Variants in TANGO2 observed in about 807,000 individuals in gnomAD.
TANGO2 encodes the protein transport and golgi organization 2 homolog, also known as transport and Golgi organization protein 2 homolog.
Under a neutral mutation model 39.1 loss-of-function variants are expected in TANGO2, and 26 were observed. The ratio of observed to expected loss-of-function variants is 0.67; its 90% CI spans 0.49 to 0.92. The LOEUF is 0.92. TANGO2 is among the 40% of genes least tolerant of loss of function. The pLI is 0.00. For synonymous variants in TANGO2, 131 were observed against 144.5 expected (o/e 0.91, Z 0.67); for missense variants, 326 against 360.1 (o/e 0.91, Z 0.77).
In TANGO2 at chr22:20,032,681, C is replaced by A. The variant is rs117632235; in HGVS notation, c.-39-4079C>A. 6.9e-3 allele frequency among the ~76,000 whole-genome samples: 1,055 copies of A among 152,324 alleles called. 6 individuals are homozygous for A. Among genetic ancestry groups the A allele is most frequent in the Non-Finnish European group, 0.01 (693 of 68,026 alleles). The stretch of plus-strand genomic sequence containing the variant: ...GGAGCCTCACCTGGAAAGCCAGGCA[C>A]GATTCTCCCTGGGACACCAACCCTC... On this transcript the variant is annotated intron_variant, in intron 1 of 8. Coordinates refer to ENST00000327374, the MANE Select transcript of TANGO2 (RefSeq NM_152906.7).
rs2046773175 is a variant in TANGO2 at position 20,053,448 on chromosome 22, AC to A, written c.280del (p.His94ThrfsTer3). ...TCCCCTGCCTACAGGTGAACTTGTC[AC>A]CCACTTTCTGACCACTGACGTGGAC... The part of the protein sequence containing the change: ...WQARGRGELV[T>X]HFLTTDVDSL... On this transcript the variant is annotated frameshift_variant, in exon 5 of 9. Transcript: ENST00000327374. LOFTEE classifies it high-confidence loss of function. The A allele has an allele frequency of 6.2e-7, 1 of 1,612,326 alleles. No individual in the cohort carries two copies.
rs902827921 is a variant in TANGO2, at chr22:20,053,139, C to T, written c.266-298C>T. 3.9e-5 allele frequency among the ~76,000 whole-genome samples: 6 copies of T among 152,262 alleles called. No individual in the cohort carries two copies. The East Asian group carries it at 5.8e-4, about 15-fold the overall frequency. ...AGAGTAGATGCCTTCCCCGAGACGA[C>T]AGCTCTGTGGACACACATTGTCCCC... is the stretch of plus-strand genomic sequence containing the variant. On this transcript the variant is annotated intron_variant, in intron 4 of 8. Coordinates refer to ENST00000327374, the MANE Select transcript of TANGO2 (RefSeq NM_152906.7).
In TANGO2 at chr22:20,053,468, C is replaced by T. The variant is rs748418749; in HGVS notation, c.297C>T (p.Asp99=). The change falls in exon 5 of 9, where the codon GAC becomes GAT. Residue 99 remains aspartate, a synonymous_variant. Coordinates refer to ENST00000327374, the MANE Select transcript of TANGO2 (RefSeq NM_152906.7). ...GELVTHFLTT[D]VDSLSYLKKV... ...TTGTCACCCACTTTCTGACCACTGA[C>T]GTGGACAGCTTGTCCTACCTGAAGA... The T allele has an allele frequency of 1.7e-5, 28 of 1,613,610 alleles. No homozygotes were observed. Among genetic ancestry groups the T allele is most frequent in the East Asian group, 4.5e-5 (2 of 44,878 alleles).
intron 1 of TANGO2, among the ~76,000 whole-genome samples, chr22:20,030,624 C>T (rs1241807031): frequency 1.3e-5 from 2 of 152,046 alleles, no homozygotes; most frequent in Non-Finnish European, 2.9e-5. Context: ...GAATTACAGG[C>T]GTGATAATTT....
chr22:20,053,309 T>C (rs2046743344), intron 4 of TANGO2, 128 bp from the exon 5 acceptor site: 2 of 655,378 alleles, frequency 3.1e-6, no homozygotes, highest in Non-Finnish European at 5.6e-6. Context: ...GCGGCAGTCA[T>C]GACAGGCCAG....
At chr22:20,018,062 T>G (rs1569210718), upstream of TANGO2, among the ~76,000 whole-genome samples, 1 of 152,248 alleles carries the variant, frequency 6.6e-6, no homozygotes, top group Non-Finnish European at 1.5e-5. Context: ...GAGTCCAGTG[T>G]GTTCATCCAA....
intron 8 of TANGO2, chr22:20,063,667 G>C: frequency 2.1e-6 from 1 of 484,218 alleles, no homozygotes; most frequent in Non-Finnish European, 3.7e-6. Context: ...CAGCCACACA[G>C]GGCCAGGATG....
At chr22:20,033,271 C>G (rs558882994) in intron 1 of TANGO2, 18 of 520,378 alleles carry the variant, frequency 3.5e-5, no homozygotes, top group South Asian at 2.6e-4. Flanking sequence ...GCCCACACCT[C>G]CAGTGCCAGG....
chr22:20,063,269 C>G, intron 7 of TANGO2, 69 bp from the exon 8 acceptor site: 1 of 1,446,998 alleles, frequency 6.9e-7, no homozygotes, highest in Non-Finnish European at 9.6e-7. Context: ...ACCAGGTGGG[C>G]TGGGGCTAGA....
intron 6 of TANGO2, among the ~76,000 whole-genome samples, chr22:20,060,558 C>G (rs2048196919): frequency 6.6e-6 from 1 of 152,142 alleles, no homozygotes; most frequent in African/African-American, 2.4e-5. Flanking sequence ...AGCCACCTCT[C>G]TTGACCTGAG....
intron 1 of TANGO2, among the ~76,000 whole-genome samples, chr22:20,029,448 G>A (rs9606213): frequency 0.39 from 58,690 of 152,166 alleles, 13,544 homozygotes; most frequent in Non-Finnish European, 0.51. Flanking sequence ...AGAATTACCA[G>A]GTTGTTAGGC....
chr22:20,022,521 G>A (rs1370574593), intron 1 of TANGO2, among the ~76,000 whole-genome samples: 1 of 152,250 alleles, frequency 6.6e-6, no homozygotes, highest in Non-Finnish European at 1.5e-5. Flanking sequence ...CTGCTGTGAT[G>A]TGTGGTGGCC....
Position 20,061,513 on chromosome 22 carries a change from C to T in TANGO2, c.452-17C>T. The T allele has an allele frequency of 6.3e-7, 1 of 1,592,100 alleles. No homozygotes were observed. Among genetic ancestry groups the T allele is most frequent in the Non-Finnish European group, 8.6e-7 (1 of 1,168,920 alleles). On this transcript the variant is annotated splice_polypyrimidine_tract_variant and intron_variant, in intron 6 of 8. Transcript: ENST00000327374. The stretch of plus-strand genomic sequence containing the variant: ...CACAGCAGGGCCTCTGCATGGCCCG[C>T]TGATTGCTCCTCACAGGCACCTACG...
chr22:20,053,769 G>A lies in TANGO2; in HGVS notation c.380+218G>A, dbSNP rs181008988. The A allele has an allele frequency of 2.1e-3, 1,255 of 590,922 alleles. 3 individuals carry two copies. Among genetic ancestry groups the A allele is most frequent in the Non-Finnish European group, 2.4e-3 (748 of 313,622 alleles). 36.6% of individuals were successfully genotyped at this position (590,922 alleles called of 1,614,324 possible). On this transcript the variant is annotated intron_variant, in intron 5 of 8. Transcript: ENST00000327374. Reference sequence around the variant, plus strand: ...CCAAGGCTTCCTGTGATGGCATGAGGGCTGCCGGATCCCTGGAGAAAGCTG... The same window carrying A: ...CCAAGGCTTCCTGTGATGGCATGAGAGCTGCCGGATCCCTGGAGAAAGCTG...
intron 6 of TANGO2, among the ~76,000 whole-genome samples, chr22:20,059,919 T>C (rs1297609211): frequency 6.6e-6 from 1 of 152,164 alleles, no homozygotes; most frequent in Non-Finnish European, 1.5e-5. Flanking sequence ...TTTATAGCTT[T>C]TGCTCTTTCA....
At position 20,052,602 on chromosome 22, in the gene TANGO2, G is replaced by A. The variant is rs752246169; in HGVS notation, c.265+18G>A. ...AGGGCGAGGTAAGGCGAGTGGGGTG[G>A]GGCCAAGGTGAGACAGGGTGGGGTG... On this transcript the variant is annotated intron_variant, in intron 4 of 8. Transcript: ENST00000327374. 6 of 1,551,688 alleles carry A rather than the reference G, an allele frequency of 3.9e-6. No homozygotes were observed. The South Asian group carries it at 5.9e-5, about 15-fold the overall frequency.
chr22:20,032,650 C>T (rs1048185291), intron 1 of TANGO2, among the ~76,000 whole-genome samples: 1 of 152,224 alleles, frequency 6.6e-6, no homozygotes, highest in Non-Finnish European at 1.5e-5. Flanking sequence ...TGGGGACAGG[C>T]AGGGCGGAGC....
intron 1 of TANGO2, among the ~76,000 whole-genome samples, chr22:20,032,627 C>T (rs572301092): frequency 6.6e-6 from 1 of 152,248 alleles, no homozygotes; most frequent in Admixed American, 6.5e-5. Flanking sequence ...AAGTGCTGAG[C>T]CCAGGGCAGG....
intron 1 of TANGO2, among the ~76,000 whole-genome samples, chr22:20,034,766 C>T (rs1450097321): frequency 2.6e-5 from 4 of 152,154 alleles, no homozygotes; most frequent in South Asian, 4.1e-4. Flanking sequence ...CTGTCTCCTT[C>T]GCCCCCGAGG....
Sources: gnomAD v4.1 joint callset for allele counts (sites outside exome capture counted in the v4.1 genomes callset) on GRCh38, gnomAD v4.1.1 for gene constraint, MANE v1.5 for transcripts, NCBI Gene and HGNC (gene_info 2026-07-23, HGNC 2026-07-21) for gene names.